Variants in CNTNAP5 observed in about 807,000 individuals in gnomAD.
CNTNAP5 encodes contactin-associated protein-like 5.
CNTNAP5 carries 72 observed loss-of-function variants against 150.2 expected under a neutral mutation model. That is an observed-to-expected ratio of 0.48 (90% CI 0.40 to 0.58). The LOEUF (loss-of-function observed/expected upper bound fraction) is 0.58. Ranked by LOEUF, CNTNAP5 falls within the 20% of genes least tolerant of loss-of-function variation. The pLI, the probability that CNTNAP5 is intolerant of heterozygous loss-of-function variation, is 0.00. For synonymous variants in CNTNAP5, 672 were observed against 619.8 expected, an observed-to-expected ratio of 1.08 and a Z score of -1.25; for missense variants, 1,636 against 1,626.2, an observed-to-expected ratio of 1.01 and a Z score of -0.10.
intron 19 of CNTNAP5, among the ~76,000 whole-genome samples, chr2:124,833,067 T>A (rs573858380): frequency 1.3e-5 from 2 of 151,864 alleles, no homozygotes; most frequent in South Asian, 2.1e-4. Flanking sequence ...ACACCACCAC[T>A]CCCAGCTAAT....
intron 12 of CNTNAP5, among the ~76,000 whole-genome samples, chr2:124,614,997 A>C (rs905011707): frequency 1.0e-4 from 15 of 145,898 alleles, no homozygotes; most frequent in Non-Finnish European, 1.4e-4. Context: ...AAAAAAAAAA[A>C]CCAAAGTCTA....
intron 1 of CNTNAP5, among the ~76,000 whole-genome samples, chr2:124,132,419 C>T (rs542601509): frequency 6.6e-6 from 1 of 152,234 alleles, no homozygotes; most frequent in South Asian, 2.1e-4. Context: ...TAAATATTTC[C>T]TATAAAATAT....
chr2:124,410,907 C>CA (rs1459188584), intron 3 of CNTNAP5, among the ~76,000 whole-genome samples: 4 of 151,310 alleles, frequency 2.6e-5, no homozygotes, highest in Admixed American at 2.0e-4. Context: ...AATAGAGACA[C>CA]AAAAAACTCT....
At chr2:124,222,089 T>C (rs1375643946) in intron 2 of CNTNAP5, among the ~76,000 whole-genome samples, 1 of 152,138 alleles carries the variant, frequency 6.6e-6, no homozygotes, top group Non-Finnish European at 1.5e-5. Flanking sequence ...CTTGCTTTAT[T>C]TTTATATTTC....
At chr2:124,195,345 GTGT>G (rs1685557831) in intron 1 of CNTNAP5, among the ~76,000 whole-genome samples, 1 of 152,152 alleles carries the variant, frequency 6.6e-6, no homozygotes, top group Non-Finnish European at 1.5e-5. Flanking sequence ...GCTTTTAGAG[GTGT>G]TGAGAAATGC....
chr2:124,435,123 G>A (rs1185403558), intron 5 of CNTNAP5, among the ~76,000 whole-genome samples: 1 of 152,168 alleles, frequency 6.6e-6, no homozygotes, highest in Non-Finnish European at 1.5e-5. Flanking sequence ...TCATATGTGT[G>A]AGGTGAAAAA....
chr2:124,362,041 C>G (rs183617377), intron 3 of CNTNAP5, among the ~76,000 whole-genome samples: 2 of 152,320 alleles, frequency 1.3e-5, no homozygotes, highest in African/African-American at 2.4e-5. Context: ...GTCCGAAAAG[C>G]GCAATATTCG....
chr2:124,285,154 A>T (rs964511120), intron 3 of CNTNAP5, among the ~76,000 whole-genome samples: 2 of 152,136 alleles, frequency 1.3e-5, no homozygotes, highest in Admixed American at 6.6e-5. Context: ...TTTAGTTTGT[A>T]AGATCCCAGA....
intron 1 of CNTNAP5, among the ~76,000 whole-genome samples, chr2:124,215,712 C>CAAAAAAAAAA (rs397985759): frequency 4.9e-5 from 4 of 82,054 alleles, no homozygotes; most frequent in Non-Finnish European, 4.9e-5. Context: ...AGAAGAAAGG[C>CAAAAAAAAAA]AAAAAAAAAA....
intron 13 of CNTNAP5, among the ~76,000 whole-genome samples, chr2:124,736,810 C>T (rs1044536138): frequency 2.0e-5 from 3 of 151,790 alleles, no homozygotes; most frequent in African/African-American, 7.3e-5. Context: ...TTTTTTTTGG[C>T]ATTTGGTCAT....
At position 124,029,082 on chromosome 2, in the gene CNTNAP5, G is replaced by A. The variant is rs150756249; in HGVS notation, c.82+3350G>A. 5.9e-5 allele frequency among the ~76,000 whole-genome samples: 9 copies of A among 152,180 alleles called. No homozygotes were observed. The East Asian group carries it at 1.7e-3, about 29-fold the overall frequency. ...TCACTTTGAATGATTTCCATGTGCAGTATCTAAGTTTGTTGCTACATATTA... is the reference window on the plus strand; with the variant it reads ...TCACTTTGAATGATTTCCATGTGCAATATCTAAGTTTGTTGCTACATATTA... On this transcript the variant is annotated intron_variant, in intron 1 of 23. Transcript: ENST00000682447.
intron 1 of CNTNAP5, among the ~76,000 whole-genome samples, chr2:124,099,244 G>A (rs1028986337): frequency 6.6e-6 from 1 of 152,114 alleles, no homozygotes; most frequent in East Asian, 1.9e-4. Context: ...TTTCAGCCTT[G>A]ATTCAACTAT....
rs115308720 is a variant in CNTNAP5 at position 124,650,456 on chromosome 2, A to T, written c.2077+2498A>T. On this transcript the variant is annotated intron_variant, in intron 13 of 23. Transcript: ENST00000682447. ...AAAACAATATATAACATTTGTAGCC[A>T]CATGGATTCAACAGCCAGCATCCAG... is the stretch of plus-strand genomic sequence containing the variant. Among the ~76,000 whole-genome samples, 987 of 152,326 alleles carry T rather than the reference A, an allele frequency of 6.5e-3. 8 individuals carry two copies. Among genetic ancestry groups the T allele is most frequent in the Non-Finnish European group, 0.01 (683 of 68,028 alleles).
rs180754003 is a variant in CNTNAP5, at chr2:124,168,359, A to G, written c.83-53346A>G. Reference sequence around the variant, plus strand: ...GTAAAGCTTTATCGTGCTAATGCATATTTTTCAACTTTCAGTATTTTCTTA... The same window carrying G: ...GTAAAGCTTTATCGTGCTAATGCATGTTTTTCAACTTTCAGTATTTTCTTA... On this transcript the variant is annotated intron_variant, in intron 1 of 23. Coordinates refer to ENST00000682447, the MANE Select transcript of CNTNAP5 (RefSeq NM_001367498.1). 9.6e-4 allele frequency among the ~76,000 whole-genome samples: 146 copies of G among 152,202 alleles called. 1 individual carries two copies. Among genetic ancestry groups the G allele is most frequent in the Middle Eastern group, 3.4e-3 (1 of 294 alleles).
At chr2:124,258,713 G>A (rs1255385625) in intron 3 of CNTNAP5, among the ~76,000 whole-genome samples, 1 of 152,054 alleles carries the variant, frequency 6.6e-6, no homozygotes, top group Non-Finnish European at 1.5e-5. Context: ...GAATCCACTG[G>A]ACAAAAAACA....
chr2:124,526,617 G>A (rs113494057), intron 9 of CNTNAP5, among the ~76,000 whole-genome samples: 2,119 of 152,194 alleles, frequency 0.014, 54 homozygotes, highest in African/African-American at 0.049. Flanking sequence ...CTAAATCAGT[G>A]TAATTTTTTA....
chr2:124,637,477 G>A (rs957880477), intron 12 of CNTNAP5, among the ~76,000 whole-genome samples: 4 of 152,276 alleles, frequency 2.6e-5, no homozygotes, highest in Admixed American at 6.5e-5. Flanking sequence ...AGTTTGTCCC[G>A]ATACTGGGGA....
At chr2:124,416,521 A>C (rs887616914) in intron 3 of CNTNAP5, among the ~76,000 whole-genome samples, 1 of 152,192 alleles carries the variant, frequency 6.6e-6, no homozygotes, top group African/African-American at 2.4e-5. Flanking sequence ...AATATGTAAA[A>C]GAACAAGATA....
At chr2:124,778,681 G>A (rs146982226) in intron 17 of CNTNAP5, 13 of 152,716 alleles carry the variant, frequency 8.5e-5, no homozygotes, top group African/African-American at 3.1e-4. Flanking sequence ...AAAGGGGCTT[G>A]TTTTCCAAAG....
Sources: gnomAD v4.1 joint callset for allele counts (sites outside exome capture counted in the v4.1 genomes callset) on GRCh38, gnomAD v4.1.1 for gene constraint, MANE v1.5 for transcripts, NCBI Gene and HGNC (gene_info 2026-07-23, HGNC 2026-07-21) for gene names.